The following TENT4A variants were observed in gnomAD, a reference collection of about 807,000 sequenced individuals.
TENT4A encodes terminal nucleotidyltransferase 4A, also known as DNA polymerase kappa.
In TENT4A, 7 loss-of-function variants were observed where a neutral mutation model predicts 72.8. The observed-to-expected ratio is 0.10, with a 90% CI of 0.05 to 0.18. The LOEUF (loss-of-function observed/expected upper bound fraction) is 0.18, where lower values mean the gene tolerates loss of function less well. TENT4A is among the 10% of genes least tolerant of loss of function. The pLI is 1.00. For synonymous variants in TENT4A, 456 were observed against 434.3 expected, an observed-to-expected ratio of 1.05 and a Z score of -0.62; for missense variants, 831 against 1,017.7, an observed-to-expected ratio of 0.82 and a Z score of 2.50.
chr5:6,716,467 G>T (rs868796192), intron 1 of TENT4A, among the ~76,000 whole-genome samples: 1 of 152,162 alleles, frequency 6.6e-6, no homozygotes, highest in Non-Finnish European at 1.5e-5. Flanking sequence ...CCTCCCTCAT[G>T]CAGGCTCTTG....
rs1395074541 is a variant in TENT4A, at chr5:6,743,696, C to T, written c.1117-16C>T. ...TGGTAATTACTCAGTAAATCTTTTT[C>T]TTTTGGAATTTACAGAAATATTCAT... On this transcript the variant is annotated splice_polypyrimidine_tract_variant and intron_variant, in intron 5 of 12. Coordinates refer to ENST00000230859, the MANE Select transcript of TENT4A (RefSeq NM_006999.6). 2 of 1,581,246 alleles carry T rather than the reference C, an allele frequency of 1.3e-6. No individual in the cohort carries two copies. Among genetic ancestry groups the T allele is most frequent in the Admixed American group, 1.7e-5 (1 of 58,352 alleles).
At chr5:6,734,201 G>A (rs1741350191) in intron 1 of TENT4A, among the ~76,000 whole-genome samples, 2 of 152,230 alleles carry the variant, frequency 1.3e-5, no homozygotes, top group Admixed American at 6.5e-5. Flanking sequence ...CAGGGAGGCC[G>A]CTGGGTGGGC....
At chr5:6,742,469 T>A in intron 4 of TENT4A, 21 bp from the exon 5 acceptor site, 1 of 1,516,348 alleles carries the variant, frequency 6.6e-7, no homozygotes. Context: ...TAAAGCAGTT[T>A]TTAAAATGAA....
rs971922229 is a variant in TENT4A at position 6,754,991 on chromosome 5, C to T, written c.*46C>T. On this transcript the variant is annotated 3_prime_UTR_variant, in exon 13 of 13. Coordinates refer to ENST00000230859, the MANE Select transcript of TENT4A (RefSeq NM_006999.6). ...CTCCCCCACCCCTCTGCAGACTGCC[C>T]CGCGGCCTCGGCCACCGGCAGGGGA... 6.7e-7 allele frequency: 1 copy of T among 1,483,142 alleles called. No individual in the cohort carries two copies. The highest frequency in any genetic ancestry group is 1.4e-5 in the South Asian group (1 of 71,886). 91.9% of individuals were successfully genotyped at this position (1,483,142 alleles called of 1,614,324 possible).
At chr5:6,727,542 C>T (rs369390939) in intron 1 of TENT4A, among the ~76,000 whole-genome samples, 4 of 152,190 alleles carry the variant, frequency 2.6e-5, no homozygotes, top group African/African-American at 9.7e-5. Flanking sequence ...TTGGTGCCCT[C>T]TTAGTCCATC....
At chr5:6,719,512 A>G (rs1275071789) in intron 1 of TENT4A, among the ~76,000 whole-genome samples, 1 of 152,140 alleles carries the variant, frequency 6.6e-6, no homozygotes, top group Non-Finnish European at 1.5e-5. Context: ...TGCCATGAAG[A>G]GGCCCTTTCT....
chr5:6,736,644 A>G (rs997737007), intron 1 of TENT4A, among the ~76,000 whole-genome samples: 2 of 152,204 alleles, frequency 1.3e-5, no homozygotes, highest in Non-Finnish European at 2.9e-5. Flanking sequence ...GCCTTAACTC[A>G]TGACATAGGC....
At chr5:6,754,455 C>G (rs998499343) in intron 12 of TENT4A, among the ~76,000 whole-genome samples, 10 of 152,172 alleles carry the variant, frequency 6.6e-5, no homozygotes, top group Non-Finnish European at 4.4e-5. Flanking sequence ...AGGTGCAAGC[C>G]ATTGGCACCT....
intron 1 of TENT4A, among the ~76,000 whole-genome samples, chr5:6,723,522 C>CT (rs1740762769): frequency 6.6e-6 from 1 of 152,198 alleles, no homozygotes; most frequent in Non-Finnish European, 1.5e-5. Context: ...CCTTGACAGT[C>CT]TGACGTGACC....
rs150925619 is a variant in TENT4A, at chr5:6,721,358, T to C, written c.716+6659T>C. ...GTTGCAGTTTATCTGCTTTCCTTCCTGGAGAGTGGCTAAACTAGTGTTCTG... is the reference window on the plus strand; with the variant it reads ...GTTGCAGTTTATCTGCTTTCCTTCCCGGAGAGTGGCTAAACTAGTGTTCTG... On this transcript the variant is annotated intron_variant, in intron 1 of 12. Transcript: ENST00000230859. Among the ~76,000 whole-genome samples the C allele has an allele frequency of 8.0e-4, 122 of 152,386 alleles. 1 individual carries two copies. The highest frequency in any genetic ancestry group is 2.7e-3 in the African/African-American group (114 of 41,596).
intron 1 of TENT4A, among the ~76,000 whole-genome samples, chr5:6,732,161 TG>T (rs1227786607): frequency 1.3e-5 from 2 of 152,198 alleles, no homozygotes; most frequent in Admixed American, 6.5e-5. Context: ...AGCTCTGCCC[TG>T]GGAGAGATAC....
chr5:6,714,602 C>A lies in TENT4A; in HGVS notation c.619C>A (p.Arg207Ser). ...YGLNYLLSGS[R>S]AAALSGGGGP... ...CCTCAACTACCTGCTGTCCGGCAGC[C>A]GCGCGGCCGCTCTCAGCGGAGGGGG... is the stretch of plus-strand genomic sequence containing the variant. The change falls in exon 1 of 13, where the codon CGC becomes AGC. Residue 207 changes from arginine to serine, a missense_variant. Around this residue, in one of 3 missense-constraint regions of TENT4A, gnomAD observed 302 missense variants for 293.8 expected, o/e 1.03. Transcript: ENST00000230859. 11 of 1,198,434 alleles carry A rather than the reference C, an allele frequency of 9.2e-6. No homozygotes were observed. Among genetic ancestry groups the A allele is most frequent in the South Asian group, 4.1e-5 (1 of 24,108 alleles). The allele number at this position is 1,198,434 out of a possible 1,614,324, so 74.2% of individuals were successfully genotyped here.
intron 1 of TENT4A, among the ~76,000 whole-genome samples, chr5:6,720,890 C>T (rs956773244): frequency 6.6e-6 from 1 of 151,984 alleles, no homozygotes; most frequent in Admixed American, 6.6e-5. Context: ...AAGTTGATAG[C>T]AGTCTATCTT....
chr5:6,720,339 T>C (rs893941730), intron 1 of TENT4A, among the ~76,000 whole-genome samples: 1 of 152,132 alleles, frequency 6.6e-6, no homozygotes, highest in East Asian at 1.9e-4. Flanking sequence ...AGACTTCCCC[T>C]GGCATAGAAT....
chr5:6,754,680 G>T, intron 12 of TENT4A, 71 bp from the exon 13 acceptor site: 1 of 1,269,370 alleles, frequency 7.9e-7, no homozygotes, highest in Non-Finnish European at 1.1e-6. Context: ...GCTTAGTGTG[G>T]TCACTGCCCG....
At chr5:6,744,385 G>C (rs1317241232) in intron 6 of TENT4A, among the ~76,000 whole-genome samples, 4 of 152,314 alleles carry the variant, frequency 2.6e-5, no homozygotes, top group Non-Finnish European at 5.9e-5. Flanking sequence ...TTGATAAACT[G>C]TAATTATACT....
chr5:6,713,912 CCTCGGGGCGCGGCGGGGGCGGGG>C lies in TENT4A; in HGVS notation c.-70_-48del. ...GTCCGTCCGTGCGCGCGCGGCCGGG[CCTCGGGGCGCGGCGGGGGCGGGG>C]CCGCGTCGGGGCGGGCGGGCGCGCG... On this transcript the variant is annotated 5_prime_UTR_variant, in exon 1 of 13. Coordinates refer to ENST00000230859, the MANE Select transcript of TENT4A (RefSeq NM_006999.6). 8 of 598,564 alleles carry C rather than the reference CCTCGGGGCGCGGCGGGGGCGGGG, an allele frequency of 1.3e-5. No individual in the cohort carries two copies. The highest frequency in any genetic ancestry group is 1.7e-5 in the Non-Finnish European group (8 of 480,026). The allele number at this position is 598,564 out of a possible 1,614,324, so 37.1% of individuals were successfully genotyped here.
chr5:6,738,934 CACTT>C (rs1388287673), intron 3 of TENT4A, among the ~76,000 whole-genome samples: 1 of 152,310 alleles, frequency 6.6e-6, no homozygotes, highest in South Asian at 2.1e-4. Flanking sequence ...TTTCCTCTCA[CACTT>C]AATTTGTTGG....
intron 1 of TENT4A, among the ~76,000 whole-genome samples, chr5:6,731,046 A>T (rs1484576839): frequency 6.6e-6 from 1 of 152,220 alleles, no homozygotes; most frequent in Non-Finnish European, 1.5e-5. Context: ...TGTCTGAATC[A>T]GTTGTTGTTT....
Sources: gnomAD v4.1 joint callset for allele counts (sites outside exome capture counted in the v4.1 genomes callset) on GRCh38, gnomAD v4.1.1 for gene constraint, gnomAD v4.1.1 regional missense constraint, MANE v1.5 for transcripts, NCBI Gene and HGNC (gene_info 2026-07-23, HGNC 2026-07-21) for gene names.